CNTNAP2: variants seen among roughly 807,000 people sequenced by gnomAD.
CNTNAP2 encodes the protein contactin-associated protein-like 2.
A neutral mutation model predicts 155.2 loss-of-function variants in CNTNAP2; 98 were observed. The observed-to-expected ratio is 0.63, with a 90% confidence interval of 0.54 to 0.75. The LOEUF is 0.75. CNTNAP2 is among the 30% of genes least tolerant of loss of function. The pLI, the probability that CNTNAP2 is intolerant of heterozygous loss-of-function variation, is 0.00. For synonymous variants in CNTNAP2, 651 were observed against 631.2 expected, an observed-to-expected ratio of 1.03 and a Z score of -0.47; for missense variants, 1,727 against 1,688.1, an observed-to-expected ratio of 1.02 and a Z score of -0.40.
chr7:147,291,100 C>T (rs527580096), intron 8 of CNTNAP2, among the ~76,000 whole-genome samples: 4 of 152,232 alleles, frequency 2.6e-5, no homozygotes, highest in Non-Finnish European at 5.9e-5. Context: ...TTGTGCCCAC[C>T]TTCCCATAGA....
At chr7:146,740,190 G>T (rs901350219) in intron 1 of CNTNAP2, among the ~76,000 whole-genome samples, 2 of 150,092 alleles carry the variant, frequency 1.3e-5, no homozygotes, top group East Asian at 2.0e-4. Context: ...TAACCTGTCT[G>T]TAAGTTCACA....
chr7:148,341,798 T>C (rs1054532489), intron 21 of CNTNAP2, among the ~76,000 whole-genome samples: 32 of 152,356 alleles, frequency 2.1e-4, no homozygotes, highest in African/African-American at 7.2e-4. Flanking sequence ...ATTGAAATTA[T>C]GTTAAACCTT....
At chr7:146,624,486 A>G (rs992011177) in intron 1 of CNTNAP2, among the ~76,000 whole-genome samples, 3 of 151,902 alleles carry the variant, frequency 2.0e-5, no homozygotes, top group African/African-American at 7.2e-5. Context: ...TTTTATCAAC[A>G]TTTCAACAAA....
chr7:146,663,832 A>G (rs1010336675), intron 1 of CNTNAP2, among the ~76,000 whole-genome samples: 1 of 152,022 alleles, frequency 6.6e-6, no homozygotes. Context: ...TTTCCAATCT[A>G]TATGCCCCAA....
Position 148,206,477 on chromosome 7 carries a change from G to T in CNTNAP2, c.3011-10811G>T, listed in dbSNP as rs78147002. On this transcript the variant is annotated intron_variant, in intron 18 of 23. Transcript: ENST00000361727. ...TTCAAAATTATTTCAAGGTATATTG[G>T]TCTTGTAAAAAATTTTAAAATAAGG... Among the ~76,000 whole-genome samples, 27 of 152,018 alleles carry T rather than the reference G, an allele frequency of 1.8e-4. No homozygotes were observed. The East Asian group carries it at 4.8e-3, about 27-fold the overall frequency.
intron 13 of CNTNAP2, among the ~76,000 whole-genome samples, chr7:147,853,855 C>G (rs1798993057): frequency 6.6e-6 from 1 of 152,144 alleles, no homozygotes. Flanking sequence ...CATTTTTAAG[C>G]ATGTTTATGC....
At chr7:147,982,390 G>A (rs1801546324) in intron 15 of CNTNAP2, among the ~76,000 whole-genome samples, 1 of 152,184 alleles carries the variant, frequency 6.6e-6, no homozygotes. Flanking sequence ...CCAAGGCCAT[G>A]CCAGAAACAC....
intron 13 of CNTNAP2, among the ~76,000 whole-genome samples, chr7:147,669,811 C>T (rs1158528627): frequency 6.6e-6 from 1 of 152,288 alleles, no homozygotes; most frequent in East Asian, 1.9e-4. Context: ...ATATCATGAC[C>T]ATATCAGGCT....
At chr7:146,865,336 G>A (rs1795182509) in intron 3 of CNTNAP2, among the ~76,000 whole-genome samples, 1 of 151,908 alleles carries the variant, frequency 6.6e-6, no homozygotes, top group Non-Finnish European at 1.5e-5. Context: ...TACTTGTACT[G>A]CAAAAGGCCT....
At chr7:146,666,413 A>C (rs759288911) in intron 1 of CNTNAP2, among the ~76,000 whole-genome samples, 1 of 152,130 alleles carries the variant, frequency 6.6e-6, no homozygotes, top group Non-Finnish European at 1.5e-5. Flanking sequence ...TGGACGCCTA[A>C]GTTGATTCCG....
intron 3 of CNTNAP2, among the ~76,000 whole-genome samples, chr7:146,915,575 G>GTT (rs1210808924): frequency 1.3e-5 from 2 of 150,546 alleles, no homozygotes; most frequent in Non-Finnish European, 3.0e-5. Flanking sequence ...TTGTTTGTTT[G>GTT]TTTTTGCAGC....
intron 13 of CNTNAP2, among the ~76,000 whole-genome samples, chr7:147,701,572 G>C: frequency 6.6e-6 from 1 of 152,036 alleles, no homozygotes; most frequent in East Asian, 1.9e-4. Flanking sequence ...TCTTCTAACG[G>C]CTTTTTTCAT....
In CNTNAP2 at chr7:146,873,833, G is replaced by A. The variant is rs114889588; in HGVS notation, c.402+33929G>A. Among the ~76,000 whole-genome samples, 1,253 of 152,096 alleles carry A rather than the reference G, an allele frequency of 8.2e-3. 15 individuals are homozygous for A. The highest frequency in any genetic ancestry group is 0.028 in the African/African-American group (1,182 of 41,480). ...ATTCTGTTAGTACATCATGTTTTTC[G>A]TCAAATTTTGAGTGACTATTATGTG... is the stretch of plus-strand genomic sequence containing the variant. On this transcript the variant is annotated intron_variant, in intron 3 of 23. Coordinates refer to ENST00000361727, the MANE Select transcript of CNTNAP2 (RefSeq NM_014141.6).
intron 13 of CNTNAP2, chr7:147,672,172 G>C (rs150203584): frequency 1.3e-5 from 2 of 152,068 alleles, no homozygotes; most frequent in Non-Finnish European, 2.9e-5. Context: ...TTTTTCTATA[G>C]GAAAAAATTG....
intron 1 of CNTNAP2, among the ~76,000 whole-genome samples, chr7:146,305,170 T>C (rs1023123605): frequency 3.3e-5 from 5 of 152,178 alleles, no homozygotes; most frequent in African/African-American, 2.4e-5. Context: ...TAGCCATTTG[T>C]CTAATCCTTT....
intron 8 of CNTNAP2, among the ~76,000 whole-genome samples, chr7:147,211,246 T>G (rs570058899): frequency 4.8e-4 from 73 of 152,140 alleles, no homozygotes; most frequent in African/African-American, 1.7e-3. Flanking sequence ...GCCTTATTAT[T>G]ATTGTGTGGC....
chr7:146,857,434 A>G (rs1795012889), intron 3 of CNTNAP2, among the ~76,000 whole-genome samples: 1 of 152,202 alleles, frequency 6.6e-6, no homozygotes, highest in Non-Finnish European at 1.5e-5. Flanking sequence ...TGTTTGTTTT[A>G]ACAGGGTATT....
At chr7:146,794,325 C>A (rs978087256) in intron 2 of CNTNAP2, among the ~76,000 whole-genome samples, 1 of 152,172 alleles carries the variant, frequency 6.6e-6, no homozygotes, top group African/African-American at 2.4e-5. Context: ...CTGTCCAAAT[C>A]ATTGTATATG....
At position 148,383,550 on chromosome 7, in the gene CNTNAP2, C is replaced by G. The variant is rs184589245; in HGVS notation, c.3476-99C>G. On this transcript the variant is annotated intron_variant, in intron 21 of 23. Coordinates refer to ENST00000361727, the MANE Select transcript of CNTNAP2 (RefSeq NM_014141.6). Reference sequence around the variant, plus strand: ...ACAATGTAACATCTTAAACTGAAACCTAAATGTAAGCTTTGGACACAAGCA... The same window carrying G: ...ACAATGTAACATCTTAAACTGAAACGTAAATGTAAGCTTTGGACACAAGCA... The G allele has an allele frequency of 2.4e-4, 368 of 1,550,758 alleles. 2 individuals carry two copies. The East Asian group carries it at 5.3e-3, about 22-fold the overall frequency.
Sources: gnomAD v4.1 joint callset for allele counts (sites outside exome capture counted in the v4.1 genomes callset) on GRCh38, gnomAD v4.1.1 for gene constraint, MANE v1.5 for transcripts, NCBI Gene and HGNC (gene_info 2026-07-23, HGNC 2026-07-21) for gene names.